CFAP44: variants seen among roughly 807,000 people sequenced by gnomAD.
The protein encoded by CFAP44 is cilia- and flagella-associated protein 44.
Under a neutral mutation model 216.2 loss-of-function variants are expected in CFAP44, and 134 were observed. That is an observed-to-expected ratio of 0.62 (90% CI 0.54 to 0.72). The LOEUF (loss-of-function observed/expected upper bound fraction) is 0.72. Among genes scored for constraint, CFAP44 ranks in the 30% least tolerant of loss-of-function variants. The pLI, the probability that CFAP44 is intolerant of heterozygous loss-of-function variation, is 0.00. For synonymous variants in CFAP44, 700 were observed against 727.6 expected (o/e 0.96, Z 0.61); for missense variants, 2,035 against 2,182.1 (o/e 0.93, Z 1.34).
At chr3:113,319,662 C>T (rs1471594827) in intron 28 of CFAP44, among the ~76,000 whole-genome samples, 1 of 151,888 alleles carries the variant, frequency 6.6e-6, no homozygotes, top group Admixed American at 6.6e-5. Context: ...AGAATATAGT[C>T]TAAGATTGAC....
rs1422461743 is a variant in CFAP44 at position 113,290,014 on chromosome 3, C to G, written c.*1543G>C. ...ACCCGGCCAAGCTGTCCCCAGATTC[C>G]TGGACCTCAGAAACCCTCTCACTCC... On this transcript the variant is annotated 3_prime_UTR_variant, in exon 35 of 35. Coordinates refer to ENST00000393845, the MANE Select transcript of CFAP44 (RefSeq NM_001164496.2). 1.3e-5 allele frequency: 2 copies of G among 152,230 alleles called. No homozygotes were observed. The highest frequency in any genetic ancestry group is 2.9e-5 in the Non-Finnish European group (2 of 68,068). The allele number at this position is 152,230 out of a possible 1,614,324, so 9.4% of individuals were successfully genotyped here. A position where few individuals can be genotyped will look rare whatever the true frequency, so the allele number is the denominator to read the frequency against.
intron 7 of CFAP44, among the ~76,000 whole-genome samples, chr3:113,407,978 CTAAA>C (rs1934334246): frequency 6.6e-6 from 1 of 152,056 alleles, no homozygotes; most frequent in Non-Finnish European, 1.5e-5. Flanking sequence ...ACAGATTTTA[CTAAA>C]TAATCAGAAA....
At chr3:113,431,925 G>A (rs1214873872) in intron 2 of CFAP44, among the ~76,000 whole-genome samples, 3 of 152,136 alleles carry the variant, frequency 2.0e-5, no homozygotes, top group Non-Finnish European at 2.9e-5. Flanking sequence ...AAAAATCCTA[G>A]TTATAAAATT....
At chr3:113,433,429 CAAAAA>C (rs58221881) in intron 2 of CFAP44, 131 bp downstream of exon 2, 517 of 127,334 alleles carry the variant, frequency 4.1e-3, no homozygotes, top group South Asian at 6.9e-3. Flanking sequence ...AACTCCATCT[CAAAAA>C]AAAAAAAAAA....
intron 15 of CFAP44, among the ~76,000 whole-genome samples, chr3:113,389,730 T>C (rs374534802): frequency 2.6e-5 from 4 of 152,252 alleles, no homozygotes; most frequent in East Asian, 3.9e-4. Context: ...TGAGCAACTT[T>C]ATGCAAGTAA....
chr3:113,338,890 C>T (rs946022223), intron 24 of CFAP44, among the ~76,000 whole-genome samples: 1 of 152,050 alleles, frequency 6.6e-6, no homozygotes, highest in Admixed American at 6.6e-5. Flanking sequence ...AAGGTGGATC[C>T]GGAGGAGCAA....
intron 15 of CFAP44, among the ~76,000 whole-genome samples, chr3:113,388,988 G>A (rs561648124): frequency 6.6e-6 from 1 of 152,202 alleles, no homozygotes; most frequent in Non-Finnish European, 1.5e-5. Context: ...AATGAACAAG[G>A]AAACATTGGA....
At chr3:113,388,168 G>T (rs1290117345) in intron 15 of CFAP44, among the ~76,000 whole-genome samples, 1 of 152,160 alleles carries the variant, frequency 6.6e-6, no homozygotes, top group Non-Finnish European at 1.5e-5. Flanking sequence ...TGACTGTAGA[G>T]ACCTAGGGAC....
At chr3:113,438,616 A>G (rs936027196) in intron 1 of CFAP44, among the ~76,000 whole-genome samples, 4 of 152,236 alleles carry the variant, frequency 2.6e-5, no homozygotes, top group Non-Finnish European at 5.9e-5. Flanking sequence ...AGTCAGCTTC[A>G]ACTTAAATAT....
intron 24 of CFAP44, among the ~76,000 whole-genome samples, chr3:113,341,094 A>T (rs1478671302): frequency 6.6e-6 from 1 of 152,132 alleles, no homozygotes; most frequent in African/African-American, 2.4e-5. Context: ...GTCCCTCATG[A>T]TGTCCAGCCA....
chr3:113,402,896 CAAAAT>C (rs1934181162), intron 9 of CFAP44, among the ~76,000 whole-genome samples: 2 of 151,982 alleles, frequency 1.3e-5, no homozygotes, highest in South Asian at 4.2e-4. Context: ...TATCATATGA[CAAAAT>C]AAAGGACACA....
rs1950210721 is a variant in CFAP44 at position 113,328,695 on chromosome 3, T to TAAAAAAAA, written c.4117-877_4117-876insTTTTTTTT. 7.2e-4 allele frequency among the ~76,000 whole-genome samples: 52 copies of TAAAAAAAA among 72,340 alleles called. 10 individuals are homozygous for TAAAAAAAA. Among genetic ancestry groups the TAAAAAAAA allele is most frequent in the African/African-American group, 2.3e-3 (49 of 21,404 alleles). 47.5% of individuals were successfully genotyped at this position (72,340 alleles called of 152,430 possible). On this transcript the variant is annotated intron_variant, in intron 26 of 34. Transcript: ENST00000393845. ...AAACTACCAGAGAAATTTAGAGAGC[T>TAAAAAAAA]TAAAAAAAAAAAAAAAAAAAAAAAA...
intron 28 of CFAP44, among the ~76,000 whole-genome samples, chr3:113,312,348 G>C (rs1950048157): frequency 6.6e-6 from 1 of 150,832 alleles, no homozygotes; most frequent in South Asian, 2.1e-4. Context: ...CTCCCAAAGT[G>C]CTGGGATTAC....
At chr3:113,379,214 T>C (rs1933437910) in intron 17 of CFAP44, 92 bp downstream of exon 17, 1 of 968,926 alleles carries the variant, frequency 1.0e-6, no homozygotes, top group African/African-American at 1.7e-5. Context: ...ATAAATGAAA[T>C]CTTAACATAA....
chr3:113,287,108 C>T lies in CFAP44; in HGVS notation c.*4449G>A. The T allele has an allele frequency of 1.9e-6, 1 of 517,044 alleles. No individual in the cohort carries two copies. The highest frequency in any genetic ancestry group is 3.7e-6 in the Non-Finnish European group (1 of 270,594). The allele number at this position is 517,044 out of a possible 1,614,324, so 32.0% of individuals were successfully genotyped here. ...AGGAGTCACCCAGGAAAGCACCGCACAGGCTGGCGCGGGACAGACTCCTAA... is the reference window on the plus strand; with the variant it reads ...AGGAGTCACCCAGGAAAGCACCGCATAGGCTGGCGCGGGACAGACTCCTAA... On this transcript the variant is annotated 3_prime_UTR_variant, in exon 35 of 35. Transcript: ENST00000393845.
At chr3:113,402,103 G>A (rs6792091) in intron 9 of CFAP44, among the ~76,000 whole-genome samples, 10,965 of 152,096 alleles carry the variant, frequency 0.072, 445 homozygotes, top group East Asian at 0.15. Flanking sequence ...ACATTATAAT[G>A]AACCCTGTTT....
chr3:113,329,408 G>A (rs1370902913), intron 26 of CFAP44, among the ~76,000 whole-genome samples: 2 of 152,180 alleles, frequency 1.3e-5, no homozygotes, highest in Non-Finnish European at 2.9e-5. Context: ...TCAGAATGGT[G>A]TGGGAGGAAA....
chr3:113,369,228 C>T (rs1042432545), intron 18 of CFAP44, among the ~76,000 whole-genome samples: 3 of 152,148 alleles, frequency 2.0e-5, no homozygotes. Context: ...CTGCACCAAG[C>T]AGATCTAATA....
chr3:113,307,830 A>G (rs1950000881), intron 29 of CFAP44, among the ~76,000 whole-genome samples: 1 of 152,122 alleles, frequency 6.6e-6, no homozygotes, highest in Non-Finnish European at 1.5e-5. Flanking sequence ...AATACAAAAA[A>G]TTAGGTGGGC....
Sources: allele counts gnomAD v4.1 joint callset (sites outside exome capture counted in the v4.1 genomes callset), GRCh38; gene constraint gnomAD v4.1.1; transcripts MANE v1.5; gene names NCBI Gene and HGNC (gene_info 2026-07-23, HGNC 2026-07-21).